Variants in GRIK2 observed in about 807,000 individuals in gnomAD.
GRIK2 encodes glutamate ionotropic receptor kainate type subunit 2.
In GRIK2, 32 loss-of-function variants were observed where a neutral mutation model predicts 100.3. The ratio of observed to expected loss-of-function variants is 0.32; its 90% CI spans 0.24 to 0.43. GRIK2 has a LOEUF of 0.43. Ranked by LOEUF, GRIK2 falls within the 20% of genes least tolerant of loss-of-function variation. The pLI, the probability that GRIK2 is intolerant of heterozygous loss-of-function variation, is 1.00. For synonymous variants in GRIK2, 417 were observed against 389.4 expected, an observed-to-expected ratio of 1.07 and a Z score of -0.83; for missense variants, 843 against 1,114.9, an observed-to-expected ratio of 0.76 and a Z score of 3.47.
At chr6:101,868,980 T>G (rs191588729) in intron 11 of GRIK2, among the ~76,000 whole-genome samples, 1 of 151,840 alleles carries the variant, frequency 6.6e-6, no homozygotes, top group Non-Finnish European at 1.5e-5. Context: ...ATTCTGAAAA[T>G]ATTTTGGGAA....
chr6:101,973,763 AC>A (rs1793202367), intron 14 of GRIK2, among the ~76,000 whole-genome samples: 1 of 151,902 alleles, frequency 6.6e-6, no homozygotes, highest in Non-Finnish European at 1.5e-5. Context: ...ATTCTTTGGA[AC>A]CCTATTACCT....
chr6:101,964,550 C>T (rs1218330663), intron 14 of GRIK2, among the ~76,000 whole-genome samples: 1 of 152,076 alleles, frequency 6.6e-6, no homozygotes, highest in Admixed American at 6.5e-5. Context: ...GTTCTCAAAC[C>T]CGTGACCAGG....
chr6:101,756,516 A>G (rs1003296980), intron 7 of GRIK2, among the ~76,000 whole-genome samples: 1 of 127,644 alleles, frequency 7.8e-6, no homozygotes, highest in East Asian at 2.4e-4. Context: ...TTATTCCAAC[A>G]CTGTTTAAAA....
At chr6:101,938,585 GC>G (rs1790752549) in intron 14 of GRIK2, among the ~76,000 whole-genome samples, 1 of 152,024 alleles carries the variant, frequency 6.6e-6, no homozygotes, top group Admixed American at 6.6e-5. Context: ...CTGTGGCAGT[GC>G]CTAGAATTGT....
chr6:101,463,860 G>A (rs549718763), intron 2 of GRIK2, among the ~76,000 whole-genome samples: 5 of 152,042 alleles, frequency 3.3e-5, no homozygotes, highest in African/African-American at 7.2e-5. Flanking sequence ...TTCACTTTGT[G>A]TGATGGTTAA....
intron 7 of GRIK2, among the ~76,000 whole-genome samples, chr6:101,799,082 G>C (rs1780500646): frequency 6.6e-6 from 1 of 151,964 alleles, no homozygotes; most frequent in Non-Finnish European, 1.5e-5. Flanking sequence ...TGAAACTTTT[G>C]AAAATTTAAG....
chr6:101,854,929 T>A (rs1245903664), intron 10 of GRIK2, among the ~76,000 whole-genome samples: 5 of 151,902 alleles, frequency 3.3e-5, no homozygotes, highest in Non-Finnish European at 7.4e-5. Context: ...AATAATGAGA[T>A]AGATAATAAC....
intron 16 of GRIK2, among the ~76,000 whole-genome samples, chr6:102,057,126 T>C (rs1382259612): frequency 6.6e-6 from 1 of 151,974 alleles, no homozygotes; most frequent in African/African-American, 2.4e-5. Context: ...AATTTGTCAG[T>C]AAATGTGGTA....
intron 7 of GRIK2, among the ~76,000 whole-genome samples, chr6:101,785,480 C>T (rs935101155): frequency 2.6e-5 from 4 of 152,000 alleles, no homozygotes; most frequent in Admixed American, 1.3e-4. Flanking sequence ...ATTCATTTTG[C>T]AATATTTTTT....
chr6:101,819,428 G>A (rs1000610817), intron 10 of GRIK2, among the ~76,000 whole-genome samples: 3 of 151,784 alleles, frequency 2.0e-5, no homozygotes, highest in Non-Finnish European at 4.4e-5. Context: ...GAAGTAGCTT[G>A]GGTTAAAGCC....
chr6:101,624,898 A>G (rs62421385), intron 3 of GRIK2, among the ~76,000 whole-genome samples: 2 of 151,884 alleles, frequency 1.3e-5, no homozygotes, highest in Non-Finnish European at 2.9e-5. Flanking sequence ...TGCCCAGCTG[A>G]ATTTTTTTTT....
At chr6:101,432,957 G>A (rs751263090) in intron 2 of GRIK2, among the ~76,000 whole-genome samples, 4 of 152,092 alleles carry the variant, frequency 2.6e-5, no homozygotes, top group African/African-American at 4.8e-5. Flanking sequence ...TTTCAAGGAG[G>A]AGGAGGAAGA....
At chr6:101,860,999 G>T in intron 11 of GRIK2, 1 of 584,438 alleles carries the variant, frequency 1.7e-6, no homozygotes, top group East Asian at 1.4e-4. Context: ...ACTCGGTAGG[G>T]CTCCATAAAA....
intron 7 of GRIK2, among the ~76,000 whole-genome samples, chr6:101,735,975 G>A (rs1221040973): frequency 3.9e-5 from 6 of 152,204 alleles, no homozygotes; most frequent in South Asian, 2.1e-4. Context: ...GGTAAATACA[G>A]TCATTCCAAA....
chr6:102,003,554 T>A (rs2114272103), intron 14 of GRIK2, among the ~76,000 whole-genome samples: 1 of 152,014 alleles, frequency 6.6e-6, no homozygotes, highest in African/African-American at 2.4e-5. Flanking sequence ...TTGTTATTCA[T>A]ATCCCAAATA....
intron 14 of GRIK2, among the ~76,000 whole-genome samples, chr6:101,970,266 C>T (rs1461931360): frequency 1.3e-5 from 2 of 151,188 alleles, no homozygotes; most frequent in African/African-American, 2.4e-5. Flanking sequence ...GCAGCTTCAA[C>T]ATTTTAATTT....
chr6:101,455,118 G>C (rs1416292319), intron 2 of GRIK2, among the ~76,000 whole-genome samples: 1 of 152,044 alleles, frequency 6.6e-6, no homozygotes, highest in Non-Finnish European at 1.5e-5. Flanking sequence ...TATGTATAAG[G>C]GTAGTGGGTC....
Position 102,051,265 on chromosome 6 carries a change from C to CTTCT in GRIK2, c.2312-4062_2312-4061insTTTC, listed in dbSNP as rs1381536653. 2.3e-4 allele frequency among the ~76,000 whole-genome samples: 31 copies of CTTCT among 132,498 alleles called. No homozygotes were observed. In the East Asian group the frequency reaches 6.8e-3, roughly 29 times the overall value. 86.9% of individuals were successfully genotyped at this position (132,498 alleles called of 152,430 possible). A position where few individuals can be genotyped will look rare whatever the true frequency, so the allele number is the denominator to read the frequency against. ...CTTCCCTCCCTCCCTTCCTTCCTTC[C>CTTCT]TTCCTTCCTTCCTTCCTTCCTTCCT... On this transcript the variant is annotated intron_variant, in intron 15 of 16. Transcript: ENST00000369134.
chr6:101,992,572 G>A (rs923576348), intron 14 of GRIK2, among the ~76,000 whole-genome samples: 7 of 151,560 alleles, frequency 4.6e-5, no homozygotes, highest in African/African-American at 1.7e-4. Context: ...TCAATAGAGA[G>A]GATTTTGGTA....
Sources: allele counts gnomAD v4.1 joint callset (sites outside exome capture counted in the v4.1 genomes callset), GRCh38; gene constraint gnomAD v4.1.1; transcripts MANE v1.5; gene names NCBI Gene and HGNC (gene_info 2026-07-23, HGNC 2026-07-21).